The following BABAM2 variants were observed in gnomAD, a reference collection of about 807,000 sequenced individuals.
The protein encoded by BABAM2 is BRISC and BRCA1 A complex member 2.
In BABAM2, 31 loss-of-function variants were observed where a neutral mutation model predicts 54.7. The ratio of observed to expected loss-of-function variants is 0.57; its 90% CI spans 0.43 to 0.77. The LOEUF is 0.77. Among genes scored for constraint, BABAM2 ranks in the 30% least tolerant of loss-of-function variants. BABAM2 has a pLI of 0.00. For missense variants in BABAM2, 364 were observed against 455.8 expected, an observed-to-expected ratio of 0.80 and a Z score of 1.83; for synonymous variants, 167 against 162.9, an observed-to-expected ratio of 1.03 and a Z score of -0.19.
At chr2:27,912,687 A>G (rs1666689845) in intron 2 of BABAM2, among the ~76,000 whole-genome samples, 1 of 152,212 alleles carries the variant, frequency 6.6e-6, no homozygotes, top group East Asian at 1.9e-4. Context: ...ATAGACTGCC[A>G]CAGATTATGC....
intron 6 of BABAM2, among the ~76,000 whole-genome samples, chr2:28,076,157 C>T (rs767997434): frequency 4.1e-4 from 63 of 151,992 alleles, no homozygotes; most frequent in Non-Finnish European, 8.8e-4. Context: ...CACTTGTATT[C>T]CAGCATACAA....
intron 10 of BABAM2, among the ~76,000 whole-genome samples, chr2:28,248,383 A>G (rs11127138): frequency 0.66 from 99,446 of 150,668 alleles, 35,137 homozygotes; most frequent in East Asian, 0.99. Flanking sequence ...CTAATTTTGT[A>G]ATTTTAGTAG....
chr2:27,973,419 C>G (rs1671364214), intron 3 of BABAM2, among the ~76,000 whole-genome samples: 1 of 151,824 alleles, frequency 6.6e-6, no homozygotes, highest in South Asian at 2.1e-4. Context: ...GGGGACTCTT[C>G]AGGATGTAAT....
intron 6 of BABAM2, among the ~76,000 whole-genome samples, chr2:28,114,060 A>G (rs905106039): frequency 6.6e-6 from 1 of 152,216 alleles, no homozygotes; most frequent in Non-Finnish European, 1.5e-5. Flanking sequence ...CACAAAGCCA[A>G]TATCACACTG....
intron 6 of BABAM2, among the ~76,000 whole-genome samples, chr2:28,065,907 G>A (rs900952585): frequency 2.6e-5 from 4 of 150,972 alleles, no homozygotes; most frequent in South Asian, 4.2e-4. Flanking sequence ...TTGGGAGGCC[G>A]AGGCAGGCGG....
chr2:28,004,130 G>GC (rs1491575863), intron 4 of BABAM2, among the ~76,000 whole-genome samples: 3 of 50,826 alleles, frequency 5.9e-5, no homozygotes, highest in African/African-American at 1.2e-4. Context: ...TTTTTAAAAA[G>GC]CAAAAAAAAA....
In BABAM2 at chr2:28,311,715, CTAATA is replaced by C. The variant is rs1689103701; in HGVS notation, c.1088+13227_1088+13231del. On this transcript the variant is annotated intron_variant, in intron 11 of 11. Transcript: ENST00000379624. ...GTACCCACCTGGTAATCACTAAGCT[CTAATA>C]TATTTCTGGAATTTTAAGTGAAAAT... Among the ~76,000 whole-genome samples, 5 of 152,256 alleles carry C rather than the reference CTAATA, an allele frequency of 3.3e-5. No homozygotes were observed. The South Asian group carries it at 8.3e-4, about 25-fold the overall frequency.
chr2:27,910,482 A>G (rs1231951677), intron 2 of BABAM2, among the ~76,000 whole-genome samples: 1 of 152,146 alleles, frequency 6.6e-6, no homozygotes, highest in African/African-American at 2.4e-5. Context: ...AATGCATTGA[A>G]TTTTCACAAG....
intron 11 of BABAM2, among the ~76,000 whole-genome samples, chr2:28,320,839 C>T (rs1269538699): frequency 6.6e-6 from 1 of 152,194 alleles, no homozygotes; most frequent in African/African-American, 2.4e-5. Context: ...TCAAGTTACT[C>T]CTCTCCAAGC....
Position 28,095,884 on chromosome 2 carries a change from A to G in BABAM2, c.571-33387A>G, listed in dbSNP as rs1406258861. On this transcript the variant is annotated intron_variant, in intron 6 of 11. Coordinates refer to ENST00000379624, the MANE Select transcript of BABAM2 (RefSeq NM_199191.3). Reference sequence around the variant, plus strand: ...TGGAAGGTGATCAGGCTTGTGAGCAATCTGAATTTCTACCAAGTACTCTCT... The same window carrying G: ...TGGAAGGTGATCAGGCTTGTGAGCAGTCTGAATTTCTACCAAGTACTCTCT... 3.3e-5 allele frequency among the ~76,000 whole-genome samples: 5 copies of G among 152,328 alleles called. No individual in the cohort carries two copies. The East Asian group carries it at 9.7e-4, about 29-fold the overall frequency.
chr2:28,013,221 G>A (rs1674523866), intron 4 of BABAM2: 3 of 371,976 alleles, frequency 8.1e-6, no homozygotes, highest in Non-Finnish European at 1.6e-5. Context: ...AACTAGACAT[G>A]TGAAGTATGC....
At chr2:28,045,400 G>A (rs576019473) in intron 5 of BABAM2, among the ~76,000 whole-genome samples, 6 of 151,244 alleles carry the variant, frequency 4.0e-5, no homozygotes, top group African/African-American at 1.5e-4. Flanking sequence ...TTATTGTTTG[G>A]GATTAAAAAA....
chr2:28,219,635 G>A (rs1234642951), intron 7 of BABAM2, among the ~76,000 whole-genome samples: 3 of 151,798 alleles, frequency 2.0e-5, no homozygotes, highest in Admixed American at 2.0e-4. Context: ...TGTGCTAGGA[G>A]CTTACTTCTT....
chr2:27,985,155 T>C (rs1672315050), intron 3 of BABAM2, among the ~76,000 whole-genome samples: 1 of 151,236 alleles, frequency 6.6e-6, no homozygotes, highest in African/African-American at 2.4e-5. Flanking sequence ...GGTTCCATAG[T>C]TTTGCAATTG....
chr2:28,201,329 A>G (rs1678248126), intron 7 of BABAM2, among the ~76,000 whole-genome samples: 1 of 152,206 alleles, frequency 6.6e-6, no homozygotes, highest in Non-Finnish European at 1.5e-5. Context: ...GATTGTTTTT[A>G]TACAAAAATA....
At chr2:28,045,130 C>T (rs2148610525) in intron 5 of BABAM2, among the ~76,000 whole-genome samples, 1 of 152,230 alleles carries the variant, frequency 6.6e-6, no homozygotes, top group Non-Finnish European at 1.5e-5. Context: ...TTTAAATCGC[C>T]AAACCTCCGT....
At chr2:27,897,457 G>A (rs527886716) in intron 2 of BABAM2, among the ~76,000 whole-genome samples, 55 of 152,144 alleles carry the variant, frequency 3.6e-4, no homozygotes, top group Admixed American at 9.8e-4. Context: ...TTTTGCTAGT[G>A]TTAGGTTAGC....
At chr2:28,306,995 CTTTTTTTTTT>C (rs143177903) in intron 11 of BABAM2, among the ~76,000 whole-genome samples, 2 of 26,392 alleles carry the variant, frequency 7.6e-5, no homozygotes, top group South Asian at 1.9e-3. Flanking sequence ...CACACCTGGC[CTTTTTTTTTT>C]TTTTTTTTTT....
At chr2:28,213,151 C>G (rs1679623871) in intron 7 of BABAM2, among the ~76,000 whole-genome samples, 1 of 151,702 alleles carries the variant, frequency 6.6e-6, no homozygotes, top group Admixed American at 6.6e-5. Context: ...CACTTGAGCC[C>G]AGGACATGGA....
Sources: gnomAD v4.1 joint callset for allele counts (sites outside exome capture counted in the v4.1 genomes callset) on GRCh38, gnomAD v4.1.1 for gene constraint, MANE v1.5 for transcripts, NCBI Gene and HGNC (gene_info 2026-07-23, HGNC 2026-07-21) for gene names.